GSTA1: variants seen among roughly 807,000 people sequenced by gnomAD.
The protein encoded by GSTA1 is glutathione S-transferase alpha 1.
Under a neutral mutation model 21.5 loss-of-function variants are expected in GSTA1, and 23 were observed. The observed-to-expected ratio is 1.07, with a 90% CI of 0.77 to 1.52. The LOEUF is 1.52. Ranked by LOEUF, GSTA1 falls within the 40% of genes most tolerant of loss-of-function variation. The probability of loss-of-function intolerance (pLI) is 0.00; values close to 1 mark genes in which losing one functional copy is unlikely to be tolerated. For missense variants in GSTA1, 301 were observed against 264.2 expected, an observed-to-expected ratio of 1.14 and a Z score of -0.96; for synonymous variants, 125 against 90.0, an observed-to-expected ratio of 1.39 and a Z score of -2.20.
At chr6:52,794,744 C>T (rs1763537530) in intron 4 of GSTA1, among the ~76,000 whole-genome samples, 1 of 152,192 alleles carries the variant, frequency 6.6e-6, no homozygotes, top group Admixed American at 6.5e-5. Flanking sequence ...TTCTATGCCC[C>T]ATATTTGCAG....
In GSTA1 at chr6:52,791,598, C is replaced by T; in HGVS notation, c.*260G>A. 1 of 402,246 alleles carries T rather than the reference C, an allele frequency of 2.5e-6. No homozygotes were observed. Among genetic ancestry groups the T allele is most frequent in the Non-Finnish European group, 4.4e-6 (1 of 226,604 alleles). The allele number at this position is 402,246 out of a possible 1,614,324, so 24.9% of individuals were successfully genotyped here. ...AAACAAACCACATAATCTATAGTTT[C>T]CTTTTTTACTGAATTTTTAATTCCA... On this transcript the variant is annotated 3_prime_UTR_variant, in exon 7 of 7. Transcript: ENST00000334575.
At chr6:52,797,291 T>C (rs180984201) in intron 3 of GSTA1, among the ~76,000 whole-genome samples, 1 of 152,282 alleles carries the variant, frequency 6.6e-6, no homozygotes, top group East Asian at 1.9e-4. Flanking sequence ...TGGGATCCTG[T>C]GCTGATGACC....
chr6:52,792,056 G>T (rs186864181), intron 6 of GSTA1, 76 bp from the exon 7 acceptor site: 2 of 1,592,998 alleles, frequency 1.3e-6, no homozygotes, highest in African/African-American at 2.7e-5. Flanking sequence ...GGGAATCTGA[G>T]CCCCTCCTGC....
intron 3 of GSTA1, among the ~76,000 whole-genome samples, chr6:52,796,892 T>C (rs1763604018): frequency 6.6e-6 from 1 of 152,084 alleles, no homozygotes; most frequent in Non-Finnish European, 1.5e-5. Flanking sequence ...TTAAGAAGTT[T>C]CCTTTTACTT....
At chr6:52,799,362 G>A (rs1561914675) in intron 1 of GSTA1, 65 bp from the exon 2 acceptor site, 4 of 1,131,084 alleles carry the variant, frequency 3.5e-6, no homozygotes, top group Non-Finnish European at 5.2e-6. Flanking sequence ...TTTAGGATAT[G>A]TAGTTGAAAA....
rs148795539 is a variant in GSTA1, at chr6:52,792,900, C to T, written c.502G>A (p.Glu168Lys). 4.9e-5 allele frequency: 79 copies of T among 1,613,922 alleles called. No homozygotes were observed. The highest frequency in any genetic ancestry group is 1.1e-4 in the East Asian group (5 of 44,880). Residue 168 changes from glutamate to lysine, a missense_variant, in exon 6 of 7, where the codon GAG becomes AAG. Glu to Lys is a moderately conservative substitution (Grantham distance 56). Transcript: ENST00000334575. ...GAGATAAGACTGGAGTCAAGCTCCT[C>T]GACGTAGTAGAGAAGTTCCACCAGA... ...IHLVELLYYV[E>K]ELDSSLISSF...
chr6:52,794,684 T>C (rs759993545), intron 4 of GSTA1, among the ~76,000 whole-genome samples: 112 of 152,234 alleles, frequency 7.4e-4, no homozygotes, highest in Admixed American at 1.2e-3. Context: ...CACAGCCATG[T>C]CAGCCATATT....
At chr6:52,799,700 G>C (rs1763668365) in intron 1 of GSTA1, among the ~76,000 whole-genome samples, 1 of 152,132 alleles carries the variant, frequency 6.6e-6, no homozygotes, top group Non-Finnish European at 1.5e-5. Flanking sequence ...TGAAATGATT[G>C]TTATCTCAAT....
In GSTA1 at chr6:52,794,221, G is replaced by T. The variant is rs771627678; in HGVS notation, c.318C>A (p.Ile106=). 6.2e-7 allele frequency: 1 copy of T among 1,613,786 alleles called. No individual in the cohort carries two copies. Among genetic ancestry groups the T allele is most frequent in the Non-Finnish European group, 8.5e-7 (1 of 1,179,694 alleles). ...IEGIADLGEM[I]LLLPVCPPEE... ...CAGGTGGACATACGGGCAGAAGGAG[G>T]ATCATTTCACCCAAATCTGCTATAC... Residue 106 remains isoleucine (I), a synonymous_variant, in exon 5 of 7, where the codon ATC becomes ATA. Coordinates refer to ENST00000334575, the MANE Select transcript of GSTA1 (RefSeq NM_145740.5).
At chr6:52,792,654 G>A in intron 6 of GSTA1, 2 of 1,333,244 alleles carry the variant, frequency 1.5e-6, no homozygotes, top group Non-Finnish European at 1.0e-6. Flanking sequence ...TCTTTGTGGG[G>A]TAGCATGCAG....
Position 52,793,001 on chromosome 6 carries a change from G to T in GSTA1, c.415-14C>A, listed in dbSNP as rs1412059800. On this transcript the variant is annotated splice_polypyrimidine_tract_variant and intron_variant, in intron 5 of 6. Transcript: ENST00000334575. ...GCTCTTTAAGACCTGGAGAATGGGA[G>T]GAATCAGATCAGGAACACATGCACA... 2 of 1,613,872 alleles carry T rather than the reference G, an allele frequency of 1.2e-6. No homozygotes were observed. The highest frequency in any genetic ancestry group is 2.7e-5 in the African/African-American group (2 of 74,902).
chr6:52,794,547 A>G (rs931697007), intron 4 of GSTA1, among the ~76,000 whole-genome samples: 16 of 152,224 alleles, frequency 1.1e-4, no homozygotes, highest in Non-Finnish European at 1.6e-4. Context: ...TGGCAGAATC[A>G]CTGCCAGTAC....
intron 2 of GSTA1, among the ~76,000 whole-genome samples, chr6:52,797,975 G>A (rs535919739): frequency 2.7e-4 from 41 of 152,290 alleles, no homozygotes; most frequent in African/African-American, 9.6e-4. Context: ...AGGAAAGCCT[G>A]TGTCTCCAAG....
intron 1 of GSTA1, among the ~76,000 whole-genome samples, chr6:52,801,306 A>G (rs1363733558): frequency 6.6e-6 from 1 of 152,244 alleles, no homozygotes; most frequent in Non-Finnish European, 1.5e-5. Flanking sequence ...CTTTGAAATC[A>G]TACTGAATCA....
chr6:52,794,221 G>A lies in GSTA1; in HGVS notation c.318C>T (p.Ile106=), dbSNP rs771627678. The A allele has an allele frequency of 1.9e-6, 3 of 1,613,668 alleles. No individual in the cohort carries two copies. The highest frequency in any genetic ancestry group is 4.5e-5 in the East Asian group (2 of 44,896). The change falls in exon 5 of 7, where the codon ATC becomes ATT. Residue 106 remains isoleucine (I), a synonymous_variant. Coordinates refer to ENST00000334575, the MANE Select transcript of GSTA1 (RefSeq NM_145740.5). The part of the protein sequence containing the change: ...IEGIADLGEM[I]LLLPVCPPEE... ...CAGGTGGACATACGGGCAGAAGGAG[G>A]ATCATTTCACCCAAATCTGCTATAC...
intron 4 of GSTA1, among the ~76,000 whole-genome samples, chr6:52,795,202 C>CA (rs1220789395): frequency 3.3e-5 from 5 of 152,146 alleles, no homozygotes; most frequent in African/African-American, 1.2e-4. Flanking sequence ...ACATTTCATA[C>CA]AAAAAGAATC....
intron 4 of GSTA1, among the ~76,000 whole-genome samples, chr6:52,795,778 T>C (rs1581794733): frequency 6.6e-6 from 1 of 152,162 alleles, no homozygotes; most frequent in East Asian, 1.9e-4. Context: ...GGACCTTAGC[T>C]TTGGCGTCTT....
At position 52,799,277 on chromosome 6, in the gene GSTA1, C is replaced by G. The variant is rs1268261427; in HGVS notation, c.-10G>C. On this transcript the variant is annotated 5_prime_UTR_variant, in exon 2 of 7. Transcript: ENST00000334575. Reference sequence around the variant, plus strand: ...TGGGCTTCTCTGCCATGATAGCAGTCTCCTGGAGGTTTCTCTAAGCCTGAA... The same window carrying G: ...TGGGCTTCTCTGCCATGATAGCAGTGTCCTGGAGGTTTCTCTAAGCCTGAA... 4 of 1,608,592 alleles carry G rather than the reference C, an allele frequency of 2.5e-6. No individual in the cohort carries two copies. The East Asian group carries it at 8.9e-5, about 36-fold the overall frequency.
At chr6:52,797,744 G>A in intron 2 of GSTA1, 107 bp from the exon 3 acceptor site, 1 of 985,214 alleles carries the variant, frequency 1.0e-6, no homozygotes, top group South Asian at 1.4e-5. Context: ...AGATTTCTGA[G>A]TTTGGCAGGG....
Sources: allele counts gnomAD v4.1 joint callset (sites outside exome capture counted in the v4.1 genomes callset), GRCh38; gene constraint gnomAD v4.1.1; transcripts MANE v1.5; gene names NCBI Gene and HGNC (gene_info 2026-07-23, HGNC 2026-07-21).